The following SLC35B4 variants were observed in gnomAD, a reference collection of about 807,000 sequenced individuals.
SLC35B4 encodes the protein nucleotide sugar transporter SLC35B4.
A neutral mutation model predicts 39.5 loss-of-function variants in SLC35B4; 28 were observed. The ratio of observed to expected loss-of-function variants is 0.71; its 90% CI spans 0.53 to 0.97. SLC35B4 has a LOEUF of 0.97. Among genes scored for constraint, SLC35B4 ranks in the 50% least tolerant of loss-of-function variants. The pLI, the probability that SLC35B4 is intolerant of heterozygous loss-of-function variation, is 0.00. For missense variants in SLC35B4, 334 were observed against 414.3 expected (o/e 0.81, Z 1.68); for synonymous variants, 145 against 150.4 (o/e 0.96, Z 0.26).
Position 134,290,069 on chromosome 7 carries a change from T to C in SLC35B4, c.*4764A>G, listed in dbSNP as rs1019045073. The C allele has an allele frequency of 5.3e-5, 8 of 152,210 alleles. No homozygotes were observed. The highest frequency in any genetic ancestry group is 1.0e-4 in the Non-Finnish European group (7 of 68,036). The allele number at this position is 152,210 out of a possible 1,614,324, so 9.4% of individuals were successfully genotyped here. On this transcript the variant is annotated 3_prime_UTR_variant, in exon 10 of 10. Transcript: ENST00000378509. Reference sequence around the variant, plus strand: ...AACTATGGAGATGTAAGGGTGGGGCTGGTCACCCCAAGCAGCCTACTTCAA... The same window carrying C: ...AACTATGGAGATGTAAGGGTGGGGCCGGTCACCCCAAGCAGCCTACTTCAA...
chr7:134,296,170 C>T (rs1407991477), intron 9 of SLC35B4, among the ~76,000 whole-genome samples: 9 of 152,230 alleles, frequency 5.9e-5, no homozygotes, highest in Non-Finnish European at 1.2e-4. Flanking sequence ...CAGAGCACTT[C>T]CTCCTGCTGC....
In SLC35B4 at chr7:134,295,177, T is replaced by C. The variant is rs943518373; in HGVS notation, c.750-98A>G. The C allele has an allele frequency of 3.4e-5, 51 of 1,480,024 alleles. No individual in the cohort carries two copies. The African/African-American group carries it at 6.7e-4, about 19-fold the overall frequency. The allele number at this position is 1,480,024 out of a possible 1,614,324, so 91.7% of individuals were successfully genotyped here. A position where few individuals can be genotyped will look rare whatever the true frequency, so the allele number is the denominator to read the frequency against. On this transcript the variant is annotated intron_variant, in intron 9 of 9. Coordinates refer to ENST00000378509, the MANE Select transcript of SLC35B4 (RefSeq NM_032826.5). ...GTCCCTGGTTTAACTTCTCATATTC[T>C]AAGAAAACATGAAGGTCCGCTACGG...
intron 1 of SLC35B4, among the ~76,000 whole-genome samples, chr7:134,311,818 AG>A (rs1177173540): frequency 1.3e-5 from 2 of 152,334 alleles, no homozygotes; most frequent in East Asian, 3.9e-4. Flanking sequence ...GTCAAGGTGC[AG>A]GGAAAGGGCT....
chr7:134,294,978 G>T lies in SLC35B4; in HGVS notation c.851C>A (p.Ser284Tyr). The T allele has an allele frequency of 6.2e-7, 1 of 1,614,204 alleles. No homozygotes were observed. Among genetic ancestry groups the T allele is most frequent in the Middle Eastern group, 1.6e-4 (1 of 6,062 alleles). ...TLRKFVSLIF[S>Y]ILYFQNPFTL... ...GAAGGGGTTCTGGAAGTACAAGATG[G>T]AAAAGATGAGGCTCACAAATTTGCG... The change falls in exon 10 of 10, where the codon TCC (serine) becomes TAC (tyrosine). Residue 284 changes from serine to tyrosine, a missense_variant. Transcript: ENST00000378509.
chr7:134,306,185 T>A (rs1803705254), intron 3 of SLC35B4, among the ~76,000 whole-genome samples: 2 of 152,014 alleles, frequency 1.3e-5, no homozygotes, highest in Non-Finnish European at 1.5e-5. Flanking sequence ...ATCAGCCTTT[T>A]TTGCCTGGAG....
upstream of SLC35B4, among the ~76,000 whole-genome samples, chr7:134,318,764 C>G (rs146909113): frequency 6.6e-6 from 1 of 152,162 alleles, no homozygotes; most frequent in African/African-American, 2.4e-5. Context: ...AAAACCCAAG[C>G]ATGTCTAAGT....
intron 4 of SLC35B4, 114 bp downstream of exon 4, chr7:134,304,691 A>G (rs1476865287): frequency 5.2e-6 from 4 of 767,932 alleles, no homozygotes; most frequent in Non-Finnish European, 8.7e-6. Flanking sequence ...AAAGAGGTAG[A>G]TGGCCAGAAG....
chr7:134,298,015 A>G (rs1449845218), intron 8 of SLC35B4, among the ~76,000 whole-genome samples: 1 of 152,224 alleles, frequency 6.6e-6, no homozygotes, highest in East Asian at 1.9e-4. Context: ...GTTTTTTTGT[A>G]TTACTAAATT....
rs1422675590 is a variant in SLC35B4 at position 134,292,520 on chromosome 7, A to G, written c.*2313T>C. 1 of 152,182 alleles carries G rather than the reference A, an allele frequency of 6.6e-6. No homozygotes were observed. Among genetic ancestry groups the G allele is most frequent in the East Asian group, 1.9e-4 (1 of 5,196 alleles). 9.4% of individuals were successfully genotyped at this position (152,182 alleles called of 1,614,324 possible). A position where few individuals can be genotyped will look rare whatever the true frequency, so the allele number is the denominator to read the frequency against. On this transcript the variant is annotated 3_prime_UTR_variant, in exon 10 of 10. Coordinates refer to ENST00000378509, the MANE Select transcript of SLC35B4 (RefSeq NM_032826.5). ...ACGCGAAAACCTAATGGGCCCAAGT[A>G]CTGTCTGTGAACATCAACACATACC... is the stretch of plus-strand genomic sequence containing the variant.
chr7:134,296,308 ACT>A, intron 9 of SLC35B4, 81 bp downstream of exon 9: 1 of 1,202,510 alleles, frequency 8.3e-7, no homozygotes, highest in Non-Finnish European at 1.2e-6. Context: ...AAGTCAACAC[ACT>A]GTTAGAAGAA....
At chr7:134,309,608 C>A (rs1351587654) in intron 1 of SLC35B4, 129 bp from the exon 2 acceptor site, 2 of 667,120 alleles carry the variant, frequency 3.0e-6, no homozygotes, top group African/African-American at 1.8e-5. Flanking sequence ...TCCTTTATCT[C>A]AATGTTCATA....
intron 1 of SLC35B4, among the ~76,000 whole-genome samples, chr7:134,313,858 C>G (rs1169711991): frequency 6.6e-6 from 1 of 152,126 alleles, no homozygotes; most frequent in African/African-American, 2.4e-5. Context: ...CTAGAAAGAA[C>G]CTTAAGGCCA....
At chr7:134,310,719 G>GTT (rs947622048) in intron 1 of SLC35B4, among the ~76,000 whole-genome samples, 1 of 151,040 alleles carries the variant, frequency 6.6e-6, no homozygotes, top group African/African-American at 2.4e-5. Context: ...TAATTTTTTT[G>GTT]TTTTTTTTCA....
rs1337881533 is a variant in SLC35B4 at position 134,306,479 on chromosome 7, A to T, written c.294+193T>A. 2.6e-5 allele frequency among the ~76,000 whole-genome samples: 4 copies of T among 150,958 alleles called. No individual in the cohort carries two copies. The Admixed American group carries it at 2.7e-4, about 10-fold the overall frequency. ...ACTCATTAGACCTCAGAAGAATAAA[A>T]GTAAACCATCCACTTTGAGATTTCT... On this transcript the variant is annotated intron_variant, in intron 3 of 9. Coordinates refer to ENST00000378509, the MANE Select transcript of SLC35B4 (RefSeq NM_032826.5).
At chr7:134,311,969 G>A (rs1201834504) in intron 1 of SLC35B4, among the ~76,000 whole-genome samples, 1 of 152,132 alleles carries the variant, frequency 6.6e-6, no homozygotes. Flanking sequence ...TCTGTCACTT[G>A]CTATGTGACA....
At chr7:134,318,214 A>G (rs1465257489), upstream of SLC35B4, among the ~76,000 whole-genome samples, 4 of 152,164 alleles carry the variant, frequency 2.6e-5, no homozygotes, top group Non-Finnish European at 4.4e-5. Flanking sequence ...ATCCTTGTGT[A>G]TGGGTTCTAG....
intron 7 of SLC35B4, 111 bp from the exon 8 acceptor site, chr7:134,299,709 A>G: frequency 3.4e-6 from 3 of 892,730 alleles, no homozygotes; most frequent in Non-Finnish European, 5.2e-6. Flanking sequence ...CAATACAAAG[A>G]AAAGCAAGTT....
At chr7:134,300,331 TTATTGTTTAAAGTC>T in intron 6 of SLC35B4, 70 bp from the exon 7 acceptor site, 3 of 1,143,170 alleles carry the variant, frequency 2.6e-6, no homozygotes, top group Non-Finnish European at 3.8e-6. Flanking sequence ...TTGAAGAACA[TTATTGTTTAAAGTC>T]CTGCAAATAT....
At chr7:134,307,861 C>G (rs891185843) in intron 2 of SLC35B4, among the ~76,000 whole-genome samples, 1 of 152,186 alleles carries the variant, frequency 6.6e-6, no homozygotes, top group African/African-American at 2.4e-5. Flanking sequence ...AACACATATG[C>G]AAAATTACCA....
Sources: allele counts gnomAD v4.1 joint callset (sites outside exome capture counted in the v4.1 genomes callset), GRCh38; gene constraint gnomAD v4.1.1; transcripts MANE v1.5; gene names NCBI Gene and HGNC (gene_info 2026-07-23, HGNC 2026-07-21).